ESR2: variants seen among roughly 807,000 people sequenced by gnomAD.
ESR2 encodes the protein estrogen receptor 2.
Under a neutral mutation model 49.6 loss-of-function variants are expected in ESR2, and 36 were observed. The ratio of observed to expected loss-of-function variants is 0.73; its 90% CI spans 0.56 to 0.96. The LOEUF (loss-of-function observed/expected upper bound fraction) is 0.96, where lower values mean the gene tolerates loss of function less well. Ranked by LOEUF, ESR2 falls within the 40% of genes least tolerant of loss-of-function variation. The pLI, the probability that ESR2 is intolerant of heterozygous loss-of-function variation, is 0.00. For missense variants in ESR2, 714 were observed against 693.0 expected (o/e 1.03, Z -0.34); for synonymous variants, 320 against 266.1 (o/e 1.20, Z -1.97).
At chr14:64,326,085 G>C (rs183452326) in intron 1 of ESR2, among the ~76,000 whole-genome samples, 3 of 151,554 alleles carry the variant, frequency 2.0e-5, no homozygotes, top group Admixed American at 2.0e-4. Context: ...TTTTATAAAT[G>C]GAGCCAACAC....
intron 1 of ESR2, among the ~76,000 whole-genome samples, chr14:64,285,613 A>T (rs1189861954): frequency 2.0e-5 from 3 of 152,104 alleles, no homozygotes; most frequent in Non-Finnish European, 4.4e-5. Context: ...GGATCACATG[A>T]GGTCAAGAGT....
chr14:64,280,486 A>G (rs1176177317), intron 2 of ESR2, among the ~76,000 whole-genome samples: 1 of 152,216 alleles, frequency 6.6e-6, no homozygotes, highest in African/African-American at 2.4e-5. Flanking sequence ...AGGAGTGGCC[A>G]GATCAAATCT....
chr14:64,260,124 G>A, intron 5 of ESR2: 1 of 548,158 alleles, frequency 1.8e-6, no homozygotes, highest in Non-Finnish European at 3.5e-6. Context: ...TGTGCAAGGT[G>A]GTATGGGATG....
chr14:64,256,734 AAAAAC>A (rs2076103908), intron 6 of ESR2, among the ~76,000 whole-genome samples: 1 of 152,130 alleles, frequency 6.6e-6, no homozygotes, highest in Non-Finnish European at 1.5e-5. Context: ...ATCTCAGAAA[AAAAAC>A]AAAAAACAAA....
At chr14:64,269,927 C>G (rs2076404878) in intron 3 of ESR2, among the ~76,000 whole-genome samples, 1 of 152,122 alleles carries the variant, frequency 6.6e-6, no homozygotes, top group Non-Finnish European at 1.5e-5. Context: ...GACCAGATGA[C>G]AGCCTGCTGT....
intron 2 of ESR2, among the ~76,000 whole-genome samples, chr14:64,281,588 G>A (rs2076669349): frequency 6.6e-6 from 1 of 152,162 alleles, no homozygotes; most frequent in Non-Finnish European, 1.5e-5. Flanking sequence ...ATATTTGAAA[G>A]TAGTGAATTT....
At chr14:64,305,318 A>G (rs6573554) in intron 1 of ESR2, among the ~76,000 whole-genome samples, 53,464 of 148,764 alleles carry the variant, frequency 0.36, 10,272 homozygotes, top group African/African-American at 0.49. Flanking sequence ...ATTAATTAAT[A>G]GGCAACATTT....
intron 7 of ESR2, among the ~76,000 whole-genome samples, chr14:64,244,592 C>T (rs1173155339): frequency 1.3e-5 from 2 of 152,256 alleles, no homozygotes; most frequent in South Asian, 2.1e-4. Context: ...TCTCCAGCCT[C>T]CAGACCCTGG....
chr14:64,246,751 A>AAC lies in ESR2; in HGVS notation c.1225+2794_1225+2795insGT, dbSNP rs1476456642. On this transcript the variant is annotated intron_variant, in intron 7 of 8. Transcript: ENST00000341099. The stretch of plus-strand genomic sequence containing the variant: ...GACTCTGTCAAAAAAAAAAAAAAAA[A>AAC]AAAAAAAAAAAAAAAACACACCTGG... Among the ~76,000 whole-genome samples, 9 of 145,962 alleles carry AAC rather than the reference A, an allele frequency of 6.2e-5. No individual in the cohort carries two copies. In the East Asian group the frequency reaches 1.8e-3, roughly 29 times the overall value.
chr14:64,324,641 T>A (rs1473703099), intron 1 of ESR2, among the ~76,000 whole-genome samples: 1 of 152,204 alleles, frequency 6.6e-6, no homozygotes, highest in African/African-American at 2.4e-5. Flanking sequence ...ATAAAGATGA[T>A]ACAGCTGTTC....
chr14:64,299,155 TAAAA>T (rs35415214), upstream of ESR2, among the ~76,000 whole-genome samples: 1 of 137,388 alleles, frequency 7.3e-6, no homozygotes, highest in African/African-American at 2.7e-5. Flanking sequence ...TGAAATGAGA[TAAAA>T]AAAAAAAAGG....
chr14:64,265,880 C>T lies in ESR2; in HGVS notation c.652+2915G>A, dbSNP rs1256581249. On this transcript the variant is annotated intron_variant, in intron 4 of 8. Coordinates refer to ENST00000341099, the MANE Select transcript of ESR2 (RefSeq NM_001437.3). ...CAACAAGCAGGTAGAATCTCTAGTC[C>T]TCCAAACCTGATAGAAGAAAAAGCA... Among the ~76,000 whole-genome samples the T allele has an allele frequency of 2.6e-5, 4 of 152,142 alleles. No individual in the cohort carries two copies. The East Asian group carries it at 7.7e-4, about 29-fold the overall frequency.
chr14:64,270,950 G>A (rs900072301), intron 3 of ESR2, among the ~76,000 whole-genome samples: 3 of 152,306 alleles, frequency 2.0e-5, no homozygotes, highest in East Asian at 1.9e-4. Context: ...TATAATGTAA[G>A]CAAAGAAGAT....
intron 4 of ESR2, among the ~76,000 whole-genome samples, chr14:64,267,267 A>T (rs931759047): frequency 1.3e-5 from 2 of 152,356 alleles, no homozygotes; most frequent in East Asian, 1.9e-4. Flanking sequence ...TTATAATGTA[A>T]CAATTACAGT....
chr14:64,331,271 G>A (rs1305911379), intron 1 of ESR2, among the ~76,000 whole-genome samples: 1 of 152,166 alleles, frequency 6.6e-6, no homozygotes, highest in East Asian at 1.9e-4. Context: ...TGAAATAAGT[G>A]AGATTTCATA....
chr14:64,254,584 T>TAA (rs60183978), intron 6 of ESR2, among the ~76,000 whole-genome samples: 21,672 of 131,830 alleles, frequency 0.16, 2,859 homozygotes, highest in African/African-American at 0.38. Context: ...CCGTCTCCAC[T>TAA]AAAAAAAAAA....
chr14:64,324,398 TAA>T (rs1471854209), intron 1 of ESR2, among the ~76,000 whole-genome samples: 1 of 152,170 alleles, frequency 6.6e-6, no homozygotes. Flanking sequence ...AAGTGAAATA[TAA>T]ATAGTTTTTA....
At chr14:64,259,320 A>G (rs1458954752) in intron 5 of ESR2, among the ~76,000 whole-genome samples, 1 of 152,186 alleles carries the variant, frequency 6.6e-6, no homozygotes, top group African/African-American at 2.4e-5. Flanking sequence ...TCTTTACCCA[A>G]AACTTCTCTT....
chr14:64,268,223 G>C (rs1296587248), intron 4 of ESR2, among the ~76,000 whole-genome samples: 1 of 152,174 alleles, frequency 6.6e-6, no homozygotes, highest in African/African-American at 2.4e-5. Context: ...ATACACATAT[G>C]TATACACCTA....
Sources: gnomAD v4.1 joint callset for allele counts (sites outside exome capture counted in the v4.1 genomes callset) on GRCh38, gnomAD v4.1.1 for gene constraint, MANE v1.5 for transcripts, NCBI Gene and HGNC (gene_info 2026-07-23, HGNC 2026-07-21) for gene names.